CSMD1: variants seen among roughly 807,000 people sequenced by gnomAD.
CSMD1 encodes CUB and sushi domain-containing protein 1.
A neutral mutation model predicts 417.5 loss-of-function variants in CSMD1; 213 were observed. The ratio of observed to expected loss-of-function variants is 0.51; its 90% CI spans 0.46 to 0.57. The LOEUF is 0.57. Ranked by LOEUF, CSMD1 falls within the 20% of genes least tolerant of loss-of-function variation. The pLI, the probability that CSMD1 is intolerant of heterozygous loss-of-function variation, is 0.00. For synonymous variants in CSMD1, 2,862 were observed against 1,736.8 expected (o/e 1.65, Z -16.11); for missense variants, 6,923 against 4,529.7 (o/e 1.53, Z -15.17).
chr8:4,217,728 T>A (rs1200963666), intron 3 of CSMD1, among the ~76,000 whole-genome samples: 1 of 152,128 alleles, frequency 6.6e-6, no homozygotes, highest in East Asian at 1.9e-4. Flanking sequence ...ACTGTATGAC[T>A]TCTATACTCT....
At chr8:3,800,992 C>T (rs1053233642) in intron 5 of CSMD1, among the ~76,000 whole-genome samples, 3 of 151,966 alleles carry the variant, frequency 2.0e-5, no homozygotes, top group African/African-American at 7.3e-5. Flanking sequence ...ATTTAAATTT[C>T]ATAGCTAAAA....
intron 37 of CSMD1, among the ~76,000 whole-genome samples, chr8:3,175,512 T>C (rs376556527): frequency 1.6e-4 from 8 of 50,512 alleles, no homozygotes; most frequent in Non-Finnish European, 3.4e-4. Flanking sequence ...TGCCTGCCTT[T>C]TTTCCTTCCT....
intron 3 of CSMD1, among the ~76,000 whole-genome samples, chr8:4,099,319 T>C (rs1337326542): frequency 6.6e-6 from 1 of 152,126 alleles, no homozygotes; most frequent in African/African-American, 2.4e-5. Context: ...ATGAAGGAGC[T>C]ATACTCACTT....
At chr8:3,927,411 G>T (rs1323139262) in intron 5 of CSMD1, among the ~76,000 whole-genome samples, 1 of 151,870 alleles carries the variant, frequency 6.6e-6, no homozygotes, top group African/African-American at 2.4e-5. Context: ...TCCTACCTGT[G>T]GTCCCAACAC....
intron 2 of CSMD1, among the ~76,000 whole-genome samples, chr8:4,507,728 A>C (rs908545963): frequency 6.6e-6 from 1 of 152,216 alleles, no homozygotes; most frequent in Non-Finnish European, 1.5e-5. Flanking sequence ...TTTCAAGCTA[A>C]GAGGTAGATC....
At chr8:3,868,553 G>T (rs1585115436) in intron 5 of CSMD1, among the ~76,000 whole-genome samples, 2 of 152,224 alleles carry the variant, frequency 1.3e-5, no homozygotes, top group Middle Eastern at 6.8e-3. Context: ...CCTGAACCCT[G>T]TTCTGAAATG....
At chr8:4,094,165 G>A (rs1302966474) in intron 3 of CSMD1, among the ~76,000 whole-genome samples, 2 of 152,060 alleles carry the variant, frequency 1.3e-5, no homozygotes, top group Non-Finnish European at 1.5e-5. Context: ...CCGTGCACAC[G>A]AATGTGGTGA....
intron 5 of CSMD1, among the ~76,000 whole-genome samples, chr8:3,925,203 T>C (rs1397497273): frequency 1.3e-5 from 2 of 152,194 alleles, no homozygotes; most frequent in South Asian, 4.1e-4. Flanking sequence ...GTGTTTTCAA[T>C]TTGCTACATT....
intron 5 of CSMD1, among the ~76,000 whole-genome samples, chr8:3,851,903 G>T (rs527700345): frequency 2.0e-5 from 3 of 152,222 alleles, no homozygotes; most frequent in Admixed American, 6.5e-5. Flanking sequence ...AGATTCTGGC[G>T]GGGTAGAAGT....
chr8:3,516,323 A>G (rs572824258), intron 10 of CSMD1, among the ~76,000 whole-genome samples: 84 of 152,346 alleles, frequency 5.5e-4, no homozygotes, highest in African/African-American at 1.9e-3. Flanking sequence ...AAGAAGGTCA[A>G]CATAGCAGAT....
intron 6 of CSMD1, among the ~76,000 whole-genome samples, chr8:3,718,999 G>A (rs565382191): frequency 6.6e-6 from 1 of 152,134 alleles, no homozygotes; most frequent in Admixed American, 6.5e-5. Flanking sequence ...AGAACAAGGG[G>A]TGAGACAACG....
intron 7 of CSMD1, among the ~76,000 whole-genome samples, chr8:3,690,346 A>T (rs1225349967): frequency 6.6e-6 from 1 of 152,204 alleles, no homozygotes; most frequent in Non-Finnish European, 1.5e-5. Context: ...ACAGAACGAG[A>T]CTCTGTCTCA....
At chr8:4,927,637 A>T (rs953680589) in intron 1 of CSMD1, among the ~76,000 whole-genome samples, 8 of 152,226 alleles carry the variant, frequency 5.3e-5, no homozygotes, top group African/African-American at 1.9e-4. Context: ...CAGGCAGGGC[A>T]TCTACATTGG....
At chr8:4,520,659 G>A (rs928124909) in intron 2 of CSMD1, among the ~76,000 whole-genome samples, 4 of 152,114 alleles carry the variant, frequency 2.6e-5, no homozygotes, top group Admixed American at 6.6e-5. Context: ...GCAATGATAC[G>A]CCATGAACAG....
intron 2 of CSMD1, among the ~76,000 whole-genome samples, chr8:4,556,893 T>A (rs1798120069): frequency 6.6e-6 from 1 of 152,164 alleles, no homozygotes. Flanking sequence ...CCCTGCAAAA[T>A]CAAAATTTAT....
chr8:4,833,054 G>C (rs1009446427), intron 1 of CSMD1, among the ~76,000 whole-genome samples: 11 of 152,124 alleles, frequency 7.2e-5, no homozygotes, highest in Non-Finnish European at 1.2e-4. Flanking sequence ...ATCTTATGCG[G>C]AAAGTATATA....
intron 2 of CSMD1, among the ~76,000 whole-genome samples, chr8:4,504,088 C>G (rs1384393824): frequency 6.6e-6 from 1 of 151,958 alleles, no homozygotes; most frequent in Non-Finnish European, 1.5e-5. Context: ...CTACTATGTC[C>G]ACTGATTGAT....
At chr8:4,673,554 C>G (rs941330585) in intron 1 of CSMD1, among the ~76,000 whole-genome samples, 4 of 152,248 alleles carry the variant, frequency 2.6e-5, no homozygotes, top group Middle Eastern at 6.8e-3. Context: ...CCTTTAATAT[C>G]TAGCACCTAC....
At chr8:3,134,536 C>A (rs1456193177) in intron 41 of CSMD1, among the ~76,000 whole-genome samples, 1 of 152,200 alleles carries the variant, frequency 6.6e-6, no homozygotes, top group Non-Finnish European at 1.5e-5. Flanking sequence ...GGAGTTTTCC[C>A]ACAGTGGCCG....
Sources: gnomAD v4.1 joint callset for allele counts (sites outside exome capture counted in the v4.1 genomes callset) on GRCh38, gnomAD v4.1.1 for gene constraint, MANE v1.5 for transcripts, NCBI Gene and HGNC (gene_info 2026-07-23, HGNC 2026-07-21) for gene names.